The following ANK1 variants were observed in gnomAD, a reference collection of about 807,000 sequenced individuals.
The protein encoded by ANK1 is ankyrin-1.
ANK1 carries 51 observed loss-of-function variants against 210.4 expected under a neutral mutation model. The observed-to-expected ratio is 0.24, with a 90% CI of 0.19 to 0.31. ANK1 has a LOEUF of 0.31. Ranked by LOEUF, ANK1 falls within the 10% of genes least tolerant of loss-of-function variation. ANK1 has a pLI of 1.00. For synonymous variants in ANK1, 967 were observed against 1,025.9 expected (o/e 0.94, Z 1.10); for missense variants, 2,051 against 2,504.4 (o/e 0.82, Z 3.86).
chr8:41,664,125 C>A, intron 39 of ANK1: 1 of 461,050 alleles, frequency 2.2e-6, no homozygotes, highest in South Asian at 1.5e-5. Context: ...CAGGCAGCAT[C>A]ACCCAGAATG....
At chr8:41,828,821 G>A (rs1258012000) in intron 1 of ANK1, 2 of 152,300 alleles carry the variant, frequency 1.3e-5, no homozygotes, top group African/African-American at 4.8e-5. Context: ...AAGTGCTGGG[G>A]AGAGAGTTGG....
rs1475325112 is a variant in ANK1 at position 41,672,354 on chromosome 8, C to T, written c.5096G>A (p.Arg1699Lys). Residue 1699 changes from arginine to lysine, a missense_variant and splice_region_variant, in exon 38 of 43, where the codon AGA (arginine) becomes AAA (lysine). Arg to Lys is a conservative substitution (Grantham distance 26). Around this residue, in one of 6 missense-constraint regions of ANK1, gnomAD observed 496 missense variants for 533.4 expected, o/e 0.93. Coordinates refer to ENST00000289734, the MANE Select transcript of ANK1 (RefSeq NM_000037.4). ...CCTGCTCCCACAGTCAAGCTCTTAC[C>T]TGTCCTGACTCCTCTCCGTCACCTG... Reference protein sequence around the residue: ...VSQVTERSQDRLQDWDADGSI... With the variant: ...VSQVTERSQDKLQDWDADGSI... 6.2e-7 allele frequency: 1 copy of T among 1,614,090 alleles called. No homozygotes were observed. Among genetic ancestry groups the T allele is most frequent in the Non-Finnish European group, 8.5e-7 (1 of 1,179,966 alleles).
chr8:41,869,529 A>C lies in ANK1; in HGVS notation c.126+26826T>G, dbSNP rs534080073. 3.3e-5 allele frequency among the ~76,000 whole-genome samples: 5 copies of C among 152,264 alleles called. No homozygotes were observed. The East Asian group carries it at 9.7e-4, about 29-fold the overall frequency. ...TGGGAGGCAGAGGCTGCAGTGAGCC[A>C]TGATCGTACCACTGCATTCCAGCCT... On this transcript the variant is annotated intron_variant, in intron 1 of 42. Coordinates refer to the ANK1 transcript ENST00000265709.
intron 18 of ANK1, among the ~76,000 whole-genome samples, chr8:41,705,086 G>A (rs1020112565): frequency 1.3e-5 from 2 of 152,250 alleles, no homozygotes; most frequent in African/African-American, 2.4e-5. Context: ...GCAAGGGCTT[G>A]GGACATTCGC....
chr8:41,672,876 G>T lies in ANK1; in HGVS notation c.4574C>A (p.Ala1525Asp). The change falls in exon 38 of 43, where the codon GCC (alanine) becomes GAC (aspartate). Residue 1525 changes from alanine to aspartate, a missense_variant. Physicochemically the swap from Ala to Asp is moderately radical, Grantham distance 126 (BLOSUM62 -2). Around this residue, in one of 6 missense-constraint regions of ANK1, gnomAD observed 496 missense variants for 533.4 expected, o/e 0.93. Coordinates refer to ENST00000289734, the MANE Select transcript of ANK1 (RefSeq NM_000037.4). The part of the protein sequence containing the change: ...SSLQDELLSP[A>D]SLGCALSSPL... ...AGAGGAAAGTGCACAGCCCAGGGAG[G>T]CAGGGGACAGCAGCTCGTCCTGCAG... 6.2e-7 allele frequency: 1 copy of T among 1,605,858 alleles called. No individual in the cohort carries two copies. The highest frequency in any genetic ancestry group is 1.7e-5 in the Admixed American group (1 of 60,002).
chr8:41,782,014 A>G (rs1845439432), intron 1 of ANK1, among the ~76,000 whole-genome samples: 1 of 152,138 alleles, frequency 6.6e-6, no homozygotes, highest in Admixed American at 6.5e-5. Context: ...AGCTAAGTAA[A>G]CCCAGGGATT....
At chr8:41,776,309 A>C (rs1314838270) in intron 1 of ANK1, among the ~76,000 whole-genome samples, 1 of 152,190 alleles carries the variant, frequency 6.6e-6, no homozygotes, top group Non-Finnish European at 1.5e-5. Context: ...TTCAATGCAG[A>C]AATGTGAGGT....
chr8:41,871,008 T>G (rs1815379342), intron 1 of ANK1, among the ~76,000 whole-genome samples: 1 of 152,144 alleles, frequency 6.6e-6, no homozygotes, highest in Non-Finnish European at 1.5e-5. Context: ...CAGCAAGCCC[T>G]TTCCTCAGGG....
rs1030357785 is a variant in ANK1, at chr8:41,809,167, C to T, written c.127-51030G>A. ...ATCTCCACTTTGATCTCATGCCTTA[C>T]GGGTCTTTTTTGTACATGTTACTGA... On this transcript the variant is annotated intron_variant, in intron 1 of 42. Coordinates refer to the ANK1 transcript ENST00000265709. Among the ~76,000 whole-genome samples, 10 of 152,232 alleles carry T rather than the reference C, an allele frequency of 6.6e-5. No individual in the cohort carries two copies. The South Asian group carries it at 8.3e-4, about 13-fold the overall frequency.
chr8:41,884,535 G>A (rs1027494175), intron 1 of ANK1, among the ~76,000 whole-genome samples: 1 of 152,012 alleles, frequency 6.6e-6, no homozygotes, highest in Non-Finnish European at 1.5e-5. Context: ...AGGAGGTGAA[G>A]CTTAAAGGAT....
chr8:41,766,958 G>T (rs1010132630), intron 1 of ANK1, among the ~76,000 whole-genome samples: 1 of 152,068 alleles, frequency 6.6e-6, no homozygotes, highest in Non-Finnish European at 1.5e-5. Context: ...AATCTACCCG[G>T]CCAGGCTGTC....
intron 1 of ANK1, among the ~76,000 whole-genome samples, chr8:41,834,304 C>T (rs1431230964): frequency 6.6e-6 from 1 of 152,210 alleles, no homozygotes. Context: ...CCAGCAGACT[C>T]GGGAGAATAA....
chr8:41,896,647 T>C (rs1820573966), exon 1 of ANK1: 2 of 924,546 alleles, frequency 2.2e-6, no homozygotes, highest in Admixed American at 4.7e-5. Flanking sequence ...GCGAAGGCAG[T>C]TCCGGACGCG....
At chr8:41,882,124 C>T (rs1000857920) in intron 1 of ANK1, among the ~76,000 whole-genome samples, 7 of 152,140 alleles carry the variant, frequency 4.6e-5, no homozygotes, top group Non-Finnish European at 8.8e-5. Context: ...ACTTAATCTT[C>T]CTGAGCCTTA....
chr8:41,837,915 G>A (rs954448599), intron 1 of ANK1, among the ~76,000 whole-genome samples: 14 of 152,194 alleles, frequency 9.2e-5, no homozygotes, highest in Admixed American at 2.6e-4. Flanking sequence ...GGTGAACACC[G>A]TAAGCTCATT....
At chr8:41,874,175 G>A (rs564491993) in intron 1 of ANK1, among the ~76,000 whole-genome samples, 8 of 152,352 alleles carry the variant, frequency 5.3e-5, no homozygotes, top group Admixed American at 6.5e-5. Flanking sequence ...TAGGGCAGCC[G>A]CACTTAGGGA....
intron 7 of ANK1, 86 bp from the exon 8 acceptor site, chr8:41,723,719 C>A: frequency 1.8e-6 from 2 of 1,124,120 alleles, no homozygotes; most frequent in East Asian, 4.9e-5. Flanking sequence ...GTCCCCAGCC[C>A]CCAGTCCCCA....
intron 30 of ANK1, 108 bp downstream of exon 30, chr8:41,692,997 G>T (rs1052094990): frequency 6.6e-7 from 1 of 1,512,114 alleles, no homozygotes; most frequent in East Asian, 2.3e-5. Flanking sequence ...GGTCACGGAG[G>T]CTTCCACATG....
intron 31 of ANK1, among the ~76,000 whole-genome samples, chr8:41,692,411 C>CT (rs1295960037): frequency 6.6e-6 from 1 of 152,226 alleles, no homozygotes; most frequent in African/African-American, 2.4e-5. Context: ...AATGCCAACT[C>CT]TTTTCATAGA....
Sources: allele counts gnomAD v4.1 joint callset (sites outside exome capture counted in the v4.1 genomes callset), GRCh38; gene constraint gnomAD v4.1.1; regional missense constraint gnomAD v4.1.1; transcripts MANE v1.5; gene names NCBI Gene and HGNC (gene_info 2026-07-23, HGNC 2026-07-21).